MAP3K20: variants seen among roughly 807,000 people sequenced by gnomAD.
The protein encoded by MAP3K20 is mitogen-activated protein kinase kinase kinase 20.
A neutral mutation model predicts 85.7 loss-of-function variants in MAP3K20; 40 were observed. The observed-to-expected ratio is 0.47, with a 90% CI of 0.36 to 0.61. The LOEUF (loss-of-function observed/expected upper bound fraction) is 0.61. Among genes scored for constraint, MAP3K20 ranks in the 20% least tolerant of loss-of-function variants. The probability of loss-of-function intolerance (pLI) is 0.00; values close to 1 mark genes in which losing one functional copy is unlikely to be tolerated. For synonymous variants in MAP3K20, 325 were observed against 327.7 expected (o/e 0.99, Z 0.09); for missense variants, 817 against 961.7 (o/e 0.85, Z 1.99).
chr2:173,144,486 G>GAA (rs1230409644), intron 2 of MAP3K20, among the ~76,000 whole-genome samples: 1 of 120,210 alleles, frequency 8.3e-6, no homozygotes, highest in Non-Finnish European at 1.8e-5. Flanking sequence ...AAAAAAAAAA[G>GAA]AAAAGAAAGA....
At chr2:173,244,653 TA>T (rs1684873658) in intron 16 of MAP3K20, among the ~76,000 whole-genome samples, 1 of 152,204 alleles carries the variant, frequency 6.6e-6, no homozygotes, top group East Asian at 1.9e-4. Flanking sequence ...TAAACCTATA[TA>T]AAACAGTCCT....
At chr2:173,261,385 T>C (rs1296917801) in intron 18 of MAP3K20, among the ~76,000 whole-genome samples, 2 of 152,212 alleles carry the variant, frequency 1.3e-5, no homozygotes, top group African/African-American at 2.4e-5. Flanking sequence ...TCATTAGTTA[T>C]GGATTGAACA....
chr2:173,131,882 A>G (rs1338988190), intron 2 of MAP3K20, among the ~76,000 whole-genome samples: 1 of 152,144 alleles, frequency 6.6e-6, no homozygotes, highest in Non-Finnish European at 1.5e-5. Flanking sequence ...GTTTGGTGTG[A>G]TTTCATGGTT....
intron 2 of MAP3K20, among the ~76,000 whole-genome samples, chr2:173,097,397 G>A (rs964310492): frequency 1.3e-5 from 2 of 151,930 alleles, no homozygotes; most frequent in South Asian, 2.1e-4. Context: ...ATTAATCACA[G>A]CAACTTATTT....
intron 10 of MAP3K20, 94 bp downstream of exon 10, chr2:173,209,929 C>G: frequency 8.8e-7 from 1 of 1,130,992 alleles, no homozygotes; most frequent in South Asian, 1.3e-5. Flanking sequence ...AATGACAGTC[C>G]TGATTTCTGA....
chr2:173,264,839 T>G (rs1385627388), intron 19 of MAP3K20, among the ~76,000 whole-genome samples: 1 of 151,964 alleles, frequency 6.6e-6, no homozygotes, highest in Non-Finnish European at 1.5e-5. Flanking sequence ...CAAGTGGCGG[T>G]CAGGGGGCAG....
At chr2:173,101,176 T>C (rs994072898) in intron 2 of MAP3K20, among the ~76,000 whole-genome samples, 4 of 152,256 alleles carry the variant, frequency 2.6e-5, no homozygotes, top group Non-Finnish European at 5.9e-5. Flanking sequence ...GTTCCTACCA[T>C]GTTATGTGAA....
intron 16 of MAP3K20, among the ~76,000 whole-genome samples, chr2:173,241,379 G>A (rs1349200765): frequency 6.6e-6 from 1 of 152,152 alleles, no homozygotes; most frequent in Non-Finnish European, 1.5e-5. Context: ...TTGGGAGGCT[G>A]AGGCTGGGGG....
intron 2 of MAP3K20, among the ~76,000 whole-genome samples, chr2:173,133,060 T>C (rs1396365898): frequency 6.6e-6 from 1 of 152,236 alleles, no homozygotes; most frequent in African/African-American, 2.4e-5. Flanking sequence ...GATAGAGATA[T>C]ATAAAATTTA....
intron 1 of MAP3K20, among the ~76,000 whole-genome samples, chr2:173,077,791 G>GA (rs901312061): frequency 1.3e-4 from 19 of 151,482 alleles, no homozygotes; most frequent in Admixed American, 5.3e-4. Context: ...AGTAAAGAGA[G>GA]AAAAAAAAAT....
intron 1 of MAP3K20, among the ~76,000 whole-genome samples, chr2:173,086,151 A>G (rs1035394266): frequency 6.6e-6 from 1 of 152,152 alleles, no homozygotes; most frequent in Non-Finnish European, 1.5e-5. Flanking sequence ...TTGATATACC[A>G]TGTAAATAAA....
At chr2:173,134,575 C>A (rs1205992495) in intron 2 of MAP3K20, among the ~76,000 whole-genome samples, 10 of 149,678 alleles carry the variant, frequency 6.7e-5, no homozygotes, top group Admixed American at 4.7e-4. Context: ...CAGCCCATTA[C>A]TGCTGACTTA....
chr2:173,140,439 C>T (rs1688937857), intron 2 of MAP3K20, among the ~76,000 whole-genome samples: 1 of 152,032 alleles, frequency 6.6e-6, no homozygotes, highest in Non-Finnish European at 1.5e-5. Context: ...ACCTCTCTGC[C>T]TCCTGAATTC....
At chr2:173,187,527 A>C in intron 4 of MAP3K20, 31 bp from the exon 5 acceptor site, 1 of 1,565,018 alleles carries the variant, frequency 6.4e-7, no homozygotes, top group Non-Finnish European at 8.6e-7. Context: ...GAAAAATATT[A>C]ATAGGCCTTT....
At chr2:173,100,544 C>T (rs1212380320) in intron 2 of MAP3K20, among the ~76,000 whole-genome samples, 1 of 152,198 alleles carries the variant, frequency 6.6e-6, no homozygotes, top group Non-Finnish European at 1.5e-5. Flanking sequence ...GACATACCTA[C>T]ATTTTCTTCA....
intron 2 of MAP3K20, among the ~76,000 whole-genome samples, chr2:173,121,553 A>AT (rs964029507): frequency 2.6e-5 from 4 of 151,642 alleles, no homozygotes; most frequent in Admixed American, 6.6e-5. Context: ...CGCCCGGCTA[A>AT]TTTTTTTGTA....
chr2:173,095,205 G>A (rs1174594304), intron 2 of MAP3K20, among the ~76,000 whole-genome samples: 1 of 152,044 alleles, frequency 6.6e-6, no homozygotes, highest in Non-Finnish European at 1.5e-5. Flanking sequence ...TTTCCAGCTG[G>A]CTCTTGTGTC....
chr2:173,087,610 C>T (rs563976971), intron 1 of MAP3K20, among the ~76,000 whole-genome samples: 2 of 152,128 alleles, frequency 1.3e-5, no homozygotes, highest in Admixed American at 6.5e-5. Context: ...ATAGAGGATC[C>T]TAAAAGCTTT....
intron 11 of MAP3K20, chr2:173,221,249 A>G: frequency 6.2e-7 from 1 of 1,614,040 alleles, no homozygotes. Flanking sequence ...GATCACAGCA[A>G]CAAGTAACGG....
Sources: gnomAD v4.1 joint callset for allele counts (sites outside exome capture counted in the v4.1 genomes callset) on GRCh38, gnomAD v4.1.1 for gene constraint, MANE v1.5 for transcripts, NCBI Gene and HGNC (gene_info 2026-07-23, HGNC 2026-07-21) for gene names.